Variants in DLGAP1 observed in about 807,000 individuals in gnomAD.
The protein encoded by DLGAP1 is disks large-associated protein 1.
A neutral mutation model predicts 90.8 loss-of-function variants in DLGAP1; 11 were observed. The ratio of observed to expected loss-of-function variants is 0.12; its 90% CI spans 0.08 to 0.20. The LOEUF (loss-of-function observed/expected upper bound fraction) is 0.20, where lower values mean the gene tolerates loss of function less well. Among genes scored for constraint, DLGAP1 ranks in the 10% least tolerant of loss-of-function variants. The pLI is 1.00. For synonymous variants in DLGAP1, 558 were observed against 540.7 expected, an observed-to-expected ratio of 1.03 and a Z score of -0.44; for missense variants, 1,050 against 1,333.8, an observed-to-expected ratio of 0.79 and a Z score of 3.31.
intron 7 of DLGAP1, among the ~76,000 whole-genome samples, chr18:3,619,742 C>CTTTTT (rs10625913): frequency 4.7e-4 from 53 of 112,396 alleles, no homozygotes; most frequent in African/African-American, 9.7e-4. Flanking sequence ...TAGTTTTTTC[C>CTTTTT]TTTTTTTTTT....
chr18:3,646,830 C>A (rs1007068915), intron 7 of DLGAP1, among the ~76,000 whole-genome samples: 9 of 152,072 alleles, frequency 5.9e-5, no homozygotes, highest in Non-Finnish European at 8.8e-5. Flanking sequence ...GAGGCTGAAG[C>A]AGGAGAATGG....
chr18:4,352,204 T>C lies in DLGAP1; in HGVS notation c.-267+102802A>G, dbSNP rs80231784. ...CTTTGTTGTCTCATGCAACCTAAAA[T>C]AGAAGCATCATATCAGGCTTCTAGA... On this transcript the variant is annotated intron_variant, in intron 1 of 12. Transcript: ENST00000315677. Among the ~76,000 whole-genome samples the C allele has an allele frequency of 2.8e-3, 433 of 152,322 alleles. 4 individuals are homozygous for C. Among genetic ancestry groups the C allele is most frequent in the African/African-American group, 0.01 (419 of 41,568 alleles).
chr18:4,278,006 G>C (rs1163575379), intron 1 of DLGAP1, among the ~76,000 whole-genome samples: 1 of 151,130 alleles, frequency 6.6e-6, no homozygotes, highest in Non-Finnish European at 1.5e-5. Context: ...TTTTTTCTTA[G>C]ACCATTGGAC....
intron 1 of DLGAP1, among the ~76,000 whole-genome samples, chr18:4,443,577 A>G (rs1036181245): frequency 5.9e-5 from 9 of 152,378 alleles, no homozygotes; most frequent in African/African-American, 2.2e-4. Context: ...GAAGCCAGTC[A>G]CTACCGTGTA....
chr18:3,734,236 GTTCTCTCTCTCTCT>G (rs1568035250), intron 6 of DLGAP1, among the ~76,000 whole-genome samples: 2 of 151,844 alleles, frequency 1.3e-5, no homozygotes, highest in African/African-American at 2.4e-5. Flanking sequence ...CTTCATTTGT[GTTCTCTCTCTCTCT>G]TTCTCTCTCT....
chr18:3,883,795 A>G (rs1420153327), intron 3 of DLGAP1, among the ~76,000 whole-genome samples: 3 of 152,218 alleles, frequency 2.0e-5, no homozygotes, highest in Non-Finnish European at 4.4e-5. Context: ...CAGTCTTCAG[A>G]GCAAGGCAGG....
rs143988335 is a variant in DLGAP1, at chr18:3,640,788, G to A, written c.1592-58540C>T. ...GAATCATTCTCAATCTCCTTTCTCCGCCAATATGACTACTGTTACTATTAC... is the reference window on the plus strand; with the variant it reads ...GAATCATTCTCAATCTCCTTTCTCCACCAATATGACTACTGTTACTATTAC... On this transcript the variant is annotated intron_variant, in intron 7 of 12. Coordinates refer to ENST00000315677, the MANE Select transcript of DLGAP1 (RefSeq NM_004746.4). Among the ~76,000 whole-genome samples the A allele has an allele frequency of 7.2e-5, 11 of 152,280 alleles. No individual in the cohort carries two copies. In the East Asian group the frequency reaches 7.7e-4, roughly 11 times the overall value.
intron 1 of DLGAP1, among the ~76,000 whole-genome samples, chr18:4,341,873 A>C (rs2081196035): frequency 6.6e-6 from 1 of 152,078 alleles, no homozygotes; most frequent in Non-Finnish European, 1.5e-5. Flanking sequence ...AAATGATGAA[A>C]GATAGCTTTG....
At chr18:4,415,815 A>G (rs186036672) in intron 1 of DLGAP1, among the ~76,000 whole-genome samples, 7 of 152,300 alleles carry the variant, frequency 4.6e-5, no homozygotes, top group Admixed American at 4.6e-4. Context: ...AATGTCAGGG[A>G]AGAATCTAAC....
At chr18:3,677,024 C>T (rs1004586150) in intron 7 of DLGAP1, among the ~76,000 whole-genome samples, 37 of 152,180 alleles carry the variant, frequency 2.4e-4, no homozygotes, top group African/African-American at 8.4e-4. Context: ...TCTCTATTAT[C>T]TACTAACTTC....
At chr18:3,677,955 G>T (rs1381901544) in intron 7 of DLGAP1, among the ~76,000 whole-genome samples, 2 of 101,718 alleles carry the variant, frequency 2.0e-5, no homozygotes, top group Non-Finnish European at 3.7e-5. Flanking sequence ...CACTGTGCCC[G>T]GTGGGTTTTT....
intron 3 of DLGAP1, among the ~76,000 whole-genome samples, chr18:3,917,064 T>C (rs976343302): frequency 2.0e-5 from 3 of 152,234 alleles, no homozygotes; most frequent in African/African-American, 4.8e-5. Flanking sequence ...CATTACAAAA[T>C]AGGCTTTGTG....
chr18:4,404,070 G>A (rs62087783), intron 1 of DLGAP1, among the ~76,000 whole-genome samples: 1 of 152,144 alleles, frequency 6.6e-6, no homozygotes, highest in Non-Finnish European at 1.5e-5. Context: ...GATACCACAT[G>A]CCAGACACCA....
chr18:3,734,691 G>A (rs1316521628), intron 6 of DLGAP1, among the ~76,000 whole-genome samples: 3 of 151,984 alleles, frequency 2.0e-5, no homozygotes, highest in Non-Finnish European at 2.9e-5. Flanking sequence ...ACTGGCTTTT[G>A]ACTTATTTAC....
At chr18:4,337,831 T>C (rs1323471939) in intron 1 of DLGAP1, among the ~76,000 whole-genome samples, 3 of 152,172 alleles carry the variant, frequency 2.0e-5, no homozygotes, top group Non-Finnish European at 2.9e-5. Flanking sequence ...CATACTTTCA[T>C]AGCTGAAATG....
At chr18:4,219,027 G>GTTTTTTTTTTTTTTTT (rs34333673) in intron 1 of DLGAP1, among the ~76,000 whole-genome samples, 2 of 92,014 alleles carry the variant, frequency 2.2e-5, no homozygotes, top group African/African-American at 4.4e-5. Context: ...TTCTATCTTT[G>GTTTTTTTTTTTTTTTT]TTTTTTTTTT....
chr18:3,768,073 A>G (rs1054152568), intron 5 of DLGAP1, among the ~76,000 whole-genome samples: 3 of 152,166 alleles, frequency 2.0e-5, no homozygotes, highest in Admixed American at 1.3e-4. Flanking sequence ...AACTTAACAA[A>G]AAAACTTCTG....
chr18:4,264,025 A>G (rs1240217893), intron 1 of DLGAP1, among the ~76,000 whole-genome samples: 1 of 152,246 alleles, frequency 6.6e-6, no homozygotes, highest in Non-Finnish European at 1.5e-5. Flanking sequence ...CTTCTCATAA[A>G]TATAAATAAG....
At chr18:3,989,730 T>G (rs1022058596) in intron 3 of DLGAP1, among the ~76,000 whole-genome samples, 1 of 152,136 alleles carries the variant, frequency 6.6e-6, no homozygotes, top group African/African-American at 2.4e-5. Flanking sequence ...TTTAACCTAC[T>G]CATCTGACAA....
Sources: allele counts gnomAD v4.1 joint callset (sites outside exome capture counted in the v4.1 genomes callset), GRCh38; gene constraint gnomAD v4.1.1; transcripts MANE v1.5; gene names NCBI Gene and HGNC (gene_info 2026-07-23, HGNC 2026-07-21).